Variants in TACR1 observed in about 807,000 individuals in gnomAD.
TACR1 encodes the protein substance-P receptor.
TACR1 carries 25 observed loss-of-function variants against 35.8 expected under a neutral mutation model. That is an observed-to-expected ratio of 0.70 (90% CI 0.51 to 0.98). The LOEUF (loss-of-function observed/expected upper bound fraction) is 0.98, where lower values mean the gene tolerates loss of function less well. Ranked by LOEUF, TACR1 falls within the 50% of genes least tolerant of loss-of-function variation. TACR1 has a pLI of 0.00. For missense variants in TACR1, 478 were observed against 522.9 expected (o/e 0.91, Z 0.84); for synonymous variants, 195 against 206.7 (o/e 0.94, Z 0.48).
chr2:75,181,910 AC>A (rs1219105369), intron 1 of TACR1, among the ~76,000 whole-genome samples: 1 of 152,198 alleles, frequency 6.6e-6, no homozygotes, highest in Admixed American at 6.5e-5. Flanking sequence ...ATATTTGGTT[AC>A]AAATAACAGA....
intron 1 of TACR1, among the ~76,000 whole-genome samples, chr2:75,178,743 G>A (rs1463146927): frequency 1.3e-5 from 2 of 152,108 alleles, no homozygotes; most frequent in Non-Finnish European, 2.9e-5. Context: ...AGCAGTTTAT[G>A]ACACGTAGGT....
chr2:75,053,301 C>CT (rs1672505918), intron 3 of TACR1, among the ~76,000 whole-genome samples: 1 of 152,012 alleles, frequency 6.6e-6, no homozygotes, highest in South Asian at 2.1e-4. Context: ...TCTTGTCAAA[C>CT]TTTAAGAAGA....
chr2:75,066,026 C>G (rs1364281436), intron 2 of TACR1, among the ~76,000 whole-genome samples: 1 of 152,154 alleles, frequency 6.6e-6, no homozygotes, highest in East Asian at 1.9e-4. Flanking sequence ...TTAATACAGC[C>G]ACTACTAACA....
chr2:75,075,375 T>C (rs1041821180), intron 2 of TACR1, among the ~76,000 whole-genome samples: 2 of 152,206 alleles, frequency 1.3e-5, no homozygotes, highest in African/African-American at 2.4e-5. Context: ...AAGTTGAACA[T>C]GTGCAAACCC....
intron 2 of TACR1, among the ~76,000 whole-genome samples, chr2:75,083,953 C>A (rs1169920889): frequency 1.3e-5 from 2 of 152,144 alleles, no homozygotes; most frequent in Non-Finnish European, 2.9e-5. Context: ...GCCAGAACTT[C>A]CAACACTATG....
At chr2:75,194,940 T>G (rs1398676527) in intron 1 of TACR1, among the ~76,000 whole-genome samples, 4 of 152,098 alleles carry the variant, frequency 2.6e-5, no homozygotes, top group Non-Finnish European at 4.4e-5. Context: ...GGAGATTGCC[T>G]CCCTTCCTCT....
At chr2:75,121,839 T>C (rs1673976451) in intron 1 of TACR1, among the ~76,000 whole-genome samples, 1 of 152,218 alleles carries the variant, frequency 6.6e-6, no homozygotes, top group Admixed American at 6.5e-5. Context: ...GTCAGGTGTC[T>C]CTGACGTCCA....
Position 75,198,688 on chromosome 2 carries a change from C to A in TACR1, c.247G>T (p.Ala83Ser), listed in dbSNP as rs1461673972. The change falls in exon 1 of 5, where the codon GCA becomes TCA. Residue 83 changes from alanine (A) to serine (S), a missense_variant. Transcript: ENST00000305249. ...NLAFAEASMA[A>S]FNTVVNFTYA... ...GTGAAGTTCACCACTGTATTGAATG[C>A]AGCCATGGAGGCCTCCGCGAAGGCC... The A allele has an allele frequency of 6.2e-7, 1 of 1,614,120 alleles. No individual in the cohort carries two copies. The highest frequency in any genetic ancestry group is 8.5e-7 in the Non-Finnish European group (1 of 1,180,048).
At chr2:75,145,270 G>C (rs929273986) in intron 1 of TACR1, among the ~76,000 whole-genome samples, 2 of 152,028 alleles carry the variant, frequency 1.3e-5, no homozygotes, top group Non-Finnish European at 2.9e-5. Context: ...TTTATTTAAT[G>C]GTGAAAATAT....
At chr2:75,135,601 G>A (rs568547600) in intron 1 of TACR1, among the ~76,000 whole-genome samples, 5 of 152,150 alleles carry the variant, frequency 3.3e-5, no homozygotes, top group Non-Finnish European at 7.3e-5. Flanking sequence ...CAGTGGCGTC[G>A]GCTTAATAGC....
chr2:75,156,960 A>G (rs1377434582), intron 1 of TACR1, among the ~76,000 whole-genome samples: 1 of 152,214 alleles, frequency 6.6e-6, no homozygotes, highest in Non-Finnish European at 1.5e-5. Context: ...CAGCACTATG[A>G]AGCTGACAGC....
intron 1 of TACR1, among the ~76,000 whole-genome samples, chr2:75,160,358 A>G (rs866929588): frequency 6.6e-6 from 1 of 152,306 alleles, no homozygotes; most frequent in South Asian, 2.1e-4. Flanking sequence ...TTTATAACAA[A>G]TAAATCTTTG....
intron 2 of TACR1, among the ~76,000 whole-genome samples, chr2:75,091,360 G>T (rs1345904917): frequency 6.6e-6 from 1 of 151,984 alleles, no homozygotes; most frequent in East Asian, 1.9e-4. Flanking sequence ...GACCTCCTCA[G>T]ATTTCACATT....
At chr2:75,170,444 T>C (rs1387163715) in intron 1 of TACR1, among the ~76,000 whole-genome samples, 3 of 152,162 alleles carry the variant, frequency 2.0e-5, no homozygotes, top group African/African-American at 7.2e-5. Flanking sequence ...ATTAGCAGCA[T>C]GAGAACAGAC....
At chr2:75,142,483 G>A (rs915229128) in intron 1 of TACR1, among the ~76,000 whole-genome samples, 7 of 152,188 alleles carry the variant, frequency 4.6e-5, no homozygotes, top group African/African-American at 1.7e-4. Context: ...AATGTGGTGG[G>A]TAAAAGCAAT....
At chr2:75,054,381 G>A (rs1672533114) in intron 2 of TACR1, among the ~76,000 whole-genome samples, 1 of 152,178 alleles carries the variant, frequency 6.6e-6, no homozygotes, top group Non-Finnish European at 1.5e-5. Flanking sequence ...TAGAATTAGT[G>A]GGTGGGTGAA....
chr2:75,078,408 T>G (rs1349627106), intron 2 of TACR1, among the ~76,000 whole-genome samples: 2 of 152,124 alleles, frequency 1.3e-5, no homozygotes, highest in Non-Finnish European at 2.9e-5. Flanking sequence ...ATGAGATGAT[T>G]CATTTAAAGA....
intron 2 of TACR1, among the ~76,000 whole-genome samples, chr2:75,057,342 C>T (rs6722481): frequency 0.011 from 1,620 of 152,212 alleles, 29 homozygotes; most frequent in African/African-American, 0.037. Flanking sequence ...CACTACCTAC[C>T]CAAATCCTAT....
At chr2:75,094,036 C>T in intron 2 of TACR1, among the ~76,000 whole-genome samples, 1 of 152,266 alleles carries the variant, frequency 6.6e-6, no homozygotes, top group East Asian at 1.9e-4. Context: ...AGTGCTCTTA[C>T]CTGACACCAC....
Sources: allele counts gnomAD v4.1 joint callset (sites outside exome capture counted in the v4.1 genomes callset), GRCh38; gene constraint gnomAD v4.1.1; transcripts MANE v1.5; gene names NCBI Gene and HGNC (gene_info 2026-07-23, HGNC 2026-07-21).